IPO9: variants seen among roughly 807,000 people sequenced by gnomAD.
IPO9 encodes the protein importin-9.
Under a neutral mutation model 128.6 loss-of-function variants are expected in IPO9, and 28 were observed. That is an observed-to-expected ratio of 0.22 (90% CI 0.16 to 0.30). IPO9 has a LOEUF of 0.30. IPO9 is among the 10% of genes least tolerant of loss of function. IPO9 has a pLI of 1.00. For missense variants in IPO9, 935 were observed against 1,293.9 expected (o/e 0.72, Z 4.26); for synonymous variants, 455 against 475.8 (o/e 0.96, Z 0.57).
intron 1 of IPO9, chr1:201,834,807 A>G (rs1679895146): frequency 6.6e-6 from 1 of 152,184 alleles, no homozygotes; most frequent in South Asian, 2.1e-4. Context: ...GGAGGGGGGA[A>G]ATTATCTCTC....
chr1:201,870,526 G>A lies in IPO9; in HGVS notation c.2134-57G>A. 3.2e-6 allele frequency: 5 copies of A among 1,567,784 alleles called. 1 individual carries two copies. In the South Asian group the frequency reaches 5.9e-5, roughly 19 times the overall value. On this transcript the variant is annotated intron_variant, in intron 17 of 23. Transcript: ENST00000361565. This position sits in a 1 kb window ranked among gnomAD's most constrained non-coding sequence, Gnocchi z 4.9. ...GAACATTTGTTTATACAGACTGAGG[G>A]CCTTCTGGCATCTGTCCCTCGATTA...
chr1:201,863,390 A>G, intron 13 of IPO9, 58 bp from the exon 14 acceptor site: 1 of 1,485,484 alleles, frequency 6.7e-7, no homozygotes, highest in South Asian at 1.4e-5. Flanking sequence ...GGAAAGAGAA[A>G]GAACAAGTAA....
chr1:201,833,314 C>T (rs528367194), intron 1 of IPO9, among the ~76,000 whole-genome samples: 16 of 151,830 alleles, frequency 1.1e-4, no homozygotes, highest in Non-Finnish European at 2.4e-4. Context: ...TCTCGGCTCA[C>T]TGCAACATCC....
At chr1:201,850,804 C>G (rs1680199985) in intron 4 of IPO9, 1 of 152,096 alleles carries the variant, frequency 6.6e-6, no homozygotes, top group South Asian at 2.1e-4. Flanking sequence ...AAATAGAACA[C>G]TCACCATTCA....
intron 1 of IPO9, among the ~76,000 whole-genome samples, chr1:201,831,558 C>T (rs933237982): frequency 5.3e-5 from 8 of 152,162 alleles, no homozygotes; most frequent in African/African-American, 1.2e-4. Flanking sequence ...CCCTCAGATG[C>T]GGTCTGCTTT....
rs963109887 is a variant in IPO9, at chr1:201,883,918, C to G, written c.*7864C>G. 6.6e-6 allele frequency: 1 copy of G among 152,234 alleles called. No individual in the cohort carries two copies. Among genetic ancestry groups the G allele is most frequent in the Non-Finnish European group, 1.5e-5 (1 of 68,042 alleles). 9.4% of individuals were successfully genotyped at this position (152,234 alleles called of 1,614,324 possible). A position where few individuals can be genotyped will look rare whatever the true frequency, so the allele number is the denominator to read the frequency against. Reference sequence around the variant, plus strand: ...GTGTGACCTTGAGTAAGTTCTTTTTCCCTTGAACAGGGAGAGAGACACAAT... The same window carrying G: ...GTGTGACCTTGAGTAAGTTCTTTTTGCCTTGAACAGGGAGAGAGACACAAT... On this transcript the variant is annotated 3_prime_UTR_variant, in exon 24 of 24. Coordinates refer to ENST00000361565, the MANE Select transcript of IPO9 (RefSeq NM_018085.5).
At chr1:201,872,606 A>AAAC (rs147575517) in intron 19 of IPO9, among the ~76,000 whole-genome samples, 31,416 of 147,768 alleles carry the variant, frequency 0.21, 3,370 homozygotes, top group South Asian at 0.25. Flanking sequence ...CCTATCTCAA[A>AAAC]AACAACAACA....
At position 201,859,680 on chromosome 1, in the gene IPO9, C is replaced by T. The variant is rs144897921; in HGVS notation, c.1468+686C>T. On this transcript the variant is annotated intron_variant, in intron 13 of 23. Transcript: ENST00000361565. ...TCTGTCTTAAAAAGAAAAAAGTAGG[C>T]CAGGCGCGATGGCTCATGCCTCTAA... 8.8e-3 allele frequency among the ~76,000 whole-genome samples: 1,347 copies of T among 152,262 alleles called. 63 individuals are homozygous for T. The highest frequency in any genetic ancestry group is 0.073 in the Admixed American group (1,121 of 15,290).
At chr1:201,856,779 C>T (rs1680335993) in intron 10 of IPO9, among the ~76,000 whole-genome samples, 1 of 152,148 alleles carries the variant, frequency 6.6e-6, no homozygotes, top group Non-Finnish European at 1.5e-5. Context: ...CTTGACCTCC[C>T]AGGCTCAAGC....
chr1:201,837,092 T>C (rs1054420389), intron 1 of IPO9, among the ~76,000 whole-genome samples: 45 of 152,340 alleles, frequency 3.0e-4, no homozygotes, highest in Non-Finnish European at 4.7e-4. Context: ...AACTTGGGTT[T>C]TTGGCCCCTA....
chr1:201,844,594 G>A (rs749555419), intron 1 of IPO9, among the ~76,000 whole-genome samples: 16 of 152,196 alleles, frequency 1.1e-4, no homozygotes, highest in African/African-American at 1.9e-4. Flanking sequence ...TCACTGAACC[G>A]TGGTTATGTA....
intron 1 of IPO9, among the ~76,000 whole-genome samples, chr1:201,836,978 T>C (rs2644112): frequency 0.28 from 42,783 of 152,200 alleles, 6,253 homozygotes; most frequent in Non-Finnish European, 0.33. Flanking sequence ...TGAGCAAATA[T>C]ATGTTACTTG....
chr1:201,857,904 T>A (rs915267513), intron 11 of IPO9, among the ~76,000 whole-genome samples: 3 of 152,178 alleles, frequency 2.0e-5, no homozygotes, highest in African/African-American at 7.2e-5. Flanking sequence ...GCTGAAAGAT[T>A]AACATCCAAA....
chr1:201,846,755 G>A (rs1680130461), intron 1 of IPO9, among the ~76,000 whole-genome samples: 1 of 151,904 alleles, frequency 6.6e-6, no homozygotes, highest in Non-Finnish European at 1.5e-5. Context: ...CTGCAACCTC[G>A]TCCTCCTGGG....
intron 23 of IPO9, 112 bp from the exon 24 acceptor site, chr1:201,875,832 G>T (rs1680752145): frequency 1.4e-6 from 1 of 720,034 alleles, no homozygotes; most frequent in Non-Finnish European, 2.5e-6. Context: ...TCAGGGAGCT[G>T]GCATTTGTCT....
chr1:201,833,514 C>G (rs1222983140), intron 1 of IPO9, among the ~76,000 whole-genome samples: 1 of 152,200 alleles, frequency 6.6e-6, no homozygotes, highest in African/African-American at 2.4e-5. Context: ...GCTAGGATTA[C>G]AGGCGTGAGC....
chr1:201,851,834 T>C (rs935259263), intron 4 of IPO9, among the ~76,000 whole-genome samples: 13 of 152,214 alleles, frequency 8.5e-5, no homozygotes, highest in Non-Finnish European at 7.4e-5. Flanking sequence ...TGCAGTTCTA[T>C]TACAGATTTT....
At chr1:201,859,616 A>C (rs1680403281) in intron 13 of IPO9, among the ~76,000 whole-genome samples, 4 of 152,028 alleles carry the variant, frequency 2.6e-5, no homozygotes, top group Admixed American at 2.6e-4. Context: ...CCAATATCCA[A>C]ATAATTAAAA....
chr1:201,855,329 G>A (rs1226263144), intron 9 of IPO9, 147 bp downstream of exon 9: 9 of 573,484 alleles, frequency 1.6e-5, no homozygotes, highest in Non-Finnish European at 2.8e-5. Context: ...ATTCGATGTG[G>A]GGAAATGAGA....
Sources: allele counts gnomAD v4.1 joint callset (sites outside exome capture counted in the v4.1 genomes callset), GRCh38; gene constraint gnomAD v4.1.1; non-coding constraint Gnocchi (gnomAD v3.1); transcripts MANE v1.5; gene names NCBI Gene and HGNC (gene_info 2026-07-23, HGNC 2026-07-21).